ARSL: variants seen among roughly 807,000 people sequenced by gnomAD.
ARSL encodes the protein arylsulfatase E (chondrodysplasia punctata 1).
ARSL carries 4 observed loss-of-function variants against 31.1 expected under a neutral mutation model. The ratio of observed to expected loss-of-function variants is 0.13; its 90% CI spans 0.06 to 0.29. The LOEUF (loss-of-function observed/expected upper bound fraction) is 0.29. ARSL is among the 10% of genes least tolerant of loss of function. The pLI is 1.00. For synonymous variants in ARSL, 198 were observed against 209.9 expected, an observed-to-expected ratio of 0.94 and a Z score of 0.49; for missense variants, 312 against 497.8, an observed-to-expected ratio of 0.63 and a Z score of 3.55.
upstream of ARSL, chrX:2,968,150 T>C (rs2089712645): frequency 2.6e-6 from 3 of 1,155,286 alleles, no homozygotes; most frequent in Non-Finnish European, 3.4e-6. Context: ...GCCAGTTACC[T>C]GACATGCAGC....
intron 1 of ARSL, among the ~76,000 whole-genome samples, chrX:2,961,291 G>T (rs777332857): frequency 9.0e-6 from 1 of 110,947 alleles, no homozygotes; most frequent in Admixed American, 9.6e-5. Context: ...TGAGATGGAA[G>T]ATAACAATTA....
intron 5 of ARSL, 100 bp from the exon 6 acceptor site, chrX:2,949,827 G>A (rs1272657311): frequency 4.5e-5 from 42 of 936,683 alleles, no homozygotes; most frequent in Non-Finnish European, 5.6e-5. Flanking sequence ...GTTAGACACT[G>A]GGGGGCCAGG....
Position 2,946,022 on chromosome X carries a change from C to A in ARSL, c.967G>T (p.Val323Leu). 1 of 1,211,414 alleles carries A rather than the reference C, an allele frequency of 8.3e-7. No homozygotes were observed. Among genetic ancestry groups the A allele is most frequent in the Non-Finnish European group, 1.1e-6 (1 of 895,316 alleles). ...KSLHGLYGDN[V>L]EEMDWMVGRI... ...CCTACCATCCAGTCCATCTCCTCTA[C>A]GTTGTCCCCATACAGCCCGTGGAGA... The change falls in exon 7 of 11, where the codon GTA (valine) becomes TTA (leucine). Residue 323 changes from valine to leucine, a missense_variant. Coordinates refer to ENST00000381134, the MANE Select transcript of ARSL (RefSeq NM_000047.3).
intron 10 of ARSL, among the ~76,000 whole-genome samples, chrX:2,936,523 C>T (rs763895884): frequency 9.0e-6 from 1 of 111,093 alleles, no homozygotes; most frequent in Non-Finnish European, 1.9e-5. Flanking sequence ...CGTTTTAAGA[C>T]GATTGGCAGG....
chrX:2,952,459 G>A (rs1024507531), intron 5 of ARSL, among the ~76,000 whole-genome samples: 2 of 111,364 alleles, frequency 1.8e-5, no homozygotes, highest in African/African-American at 6.5e-5. Flanking sequence ...GAGCCACCGC[G>A]CCTGACCAGA....
intron 7 of ARSL, among the ~76,000 whole-genome samples, chrX:2,945,270 A>T (rs2089360902): frequency 9.0e-6 from 1 of 111,351 alleles, no homozygotes; most frequent in South Asian, 3.8e-4. Context: ...AGAATGCAGC[A>T]GGTGGGGAGG....
At chrX:2,946,717 G>T (rs754779366) in intron 6 of ARSL, among the ~76,000 whole-genome samples, 1 of 103,917 alleles carries the variant, frequency 9.6e-6, no homozygotes, top group Non-Finnish European at 2.0e-5. Flanking sequence ...TCGCCCAGGC[G>T]GGGGTGCAGT....
At chrX:2,963,988 C>T (rs2089674681) in intron 1 of ARSL, among the ~76,000 whole-genome samples, 1 of 111,445 alleles carries the variant, frequency 9.0e-6, no homozygotes, top group Non-Finnish European at 1.9e-5. Flanking sequence ...TTGAGGTGAC[C>T]CAGAGCATGG....
intron 5 of ARSL, among the ~76,000 whole-genome samples, chrX:2,952,071 T>G (rs957526674): frequency 1.2e-4 from 13 of 110,886 alleles, no homozygotes; most frequent in African/African-American, 4.3e-4. Context: ...CTCAAGGAAC[T>G]GTTGTCATTA....
At chrX:2,941,108 G>T (rs1048030169) in intron 8 of ARSL, among the ~76,000 whole-genome samples, 1 of 110,456 alleles carries the variant, frequency 9.1e-6, no homozygotes, top group East Asian at 2.8e-4. Flanking sequence ...AGCGGGAGTC[G>T]AACATGCCTC....
At chrX:2,937,987 G>A in intron 9 of ARSL, 108 bp downstream of exon 9, 1 of 1,104,981 alleles carries the variant, frequency 9.0e-7, no homozygotes, top group Non-Finnish European at 1.2e-6. Context: ...TTTGGTCGGG[G>A]AACAATTTCA....
chrX:2,937,206 C>T (rs978027259), intron 9 of ARSL, among the ~76,000 whole-genome samples: 2 of 110,899 alleles, frequency 1.8e-5, no homozygotes, highest in African/African-American at 6.6e-5. Context: ...TCAGCCTGGC[C>T]AACATGGTGA....
upstream of ARSL, chrX:2,968,134 A>C: frequency 8.7e-7 from 1 of 1,155,366 alleles, no homozygotes. Flanking sequence ...AAGAAGCCCC[A>C]GGAAGGCCAG....
In ARSL at chrX:2,960,358, T is replaced by A; in HGVS notation, c.23+20A>T. On this transcript the variant is annotated intron_variant, in intron 2 of 10. Transcript: ENST00000381134. ...AGAAAGAAAGGAGACTACTAATGAGTGCATATAATTGTATCTTACCAAGAA... is the reference window on the plus strand; with the variant it reads ...AGAAAGAAAGGAGACTACTAATGAGAGCATATAATTGTATCTTACCAAGAA... 9.9e-7 allele frequency: 1 copy of A among 1,011,821 alleles called. No individual in the cohort carries two copies. The highest frequency in any genetic ancestry group is 1.4e-6 in the Non-Finnish European group (1 of 724,171). The allele number at this position is 1,011,821 out of a possible 1,213,427, so 83.4% of individuals were successfully genotyped here. A position where few individuals can be genotyped will look rare whatever the true frequency, so the allele number is the denominator to read the frequency against.
intron 4 of ARSL, among the ~76,000 whole-genome samples, chrX:2,954,123 C>G (rs1003101281): frequency 9.0e-6 from 1 of 110,984 alleles, no homozygotes; most frequent in Non-Finnish European, 1.9e-5. Flanking sequence ...AATATTCTGA[C>G]GCCTGGTTAT....
chrX:2,942,918 A>T lies in ARSL; in HGVS notation c.1126+147T>A. The T allele has an allele frequency of 5.0e-6, 4 of 805,468 alleles. No individual in the cohort carries two copies. The South Asian group carries it at 9.0e-5, about 18-fold the overall frequency. 66.4% of individuals were successfully genotyped at this position (805,468 alleles called of 1,213,427 possible). ...CAGGAACAAAAATTCAAACTGGAGT[A>T]TGTCAAATTACCACTTTTGCCCTGG... On this transcript the variant is annotated intron_variant, in intron 8 of 10. Coordinates refer to ENST00000381134, the MANE Select transcript of ARSL (RefSeq NM_000047.3).
intron 2 of ARSL, among the ~76,000 whole-genome samples, chrX:2,958,873 A>C (rs949591169): frequency 2.7e-5 from 3 of 110,843 alleles, no homozygotes; most frequent in African/African-American, 9.8e-5. Flanking sequence ...TGTAGTCCCA[A>C]CTCCTGGGAA....
Position 2,944,568 on chromosome X carries a change from AT to A in ARSL, c.992-1370del, listed in dbSNP as rs746420275. Among the ~76,000 whole-genome samples the A allele has an allele frequency of 1.7e-3, 175 of 105,717 alleles. 1 individual carries two copies. Among genetic ancestry groups the A allele is most frequent in the East Asian group, 2.0e-3 (7 of 3,436 alleles). 91.8% of individuals were successfully genotyped at this position (105,717 alleles called of 115,157 possible). A position where few individuals can be genotyped will look rare whatever the true frequency, so the allele number is the denominator to read the frequency against. On this transcript the variant is annotated intron_variant, in intron 7 of 10. Transcript: ENST00000381134. ...CCATGCCTAGCTTGTTGAGGAAACA[AT>A]TTTTTTTTTTTAAATACGTCGTTCA... is the stretch of plus-strand genomic sequence containing the variant.
chrX:2,952,484 G>A (rs1458788682), intron 5 of ARSL, among the ~76,000 whole-genome samples: 1 of 110,976 alleles, frequency 9.0e-6, no homozygotes, highest in Non-Finnish European at 1.9e-5. Flanking sequence ...CTTTTGTAAG[G>A]GCACTAATCC....
Sources: gnomAD v4.1 joint callset for allele counts (sites outside exome capture counted in the v4.1 genomes callset) on GRCh38, gnomAD v4.1.1 for gene constraint, MANE v1.5 for transcripts, NCBI Gene and HGNC (gene_info 2026-07-23, HGNC 2026-07-21) for gene names.